ACTN1: variants seen among roughly 807,000 people sequenced by gnomAD.
ACTN1 encodes the protein alpha-actinin-1.
ACTN1 carries 30 observed loss-of-function variants against 119.6 expected under a neutral mutation model. That is an observed-to-expected ratio of 0.25 (90% CI 0.19 to 0.34). The LOEUF (loss-of-function observed/expected upper bound fraction) is 0.34, where lower values mean the gene tolerates loss of function less well. ACTN1 is among the 10% of genes least tolerant of loss of function. The pLI is 1.00. For synonymous variants in ACTN1, 429 were observed against 472.6 expected, an observed-to-expected ratio of 0.91 and a Z score of 1.20; for missense variants, 764 against 1,223.4, an observed-to-expected ratio of 0.62 and a Z score of 5.60.
Position 68,909,545 on chromosome 14 carries a change from A to G in ACTN1, c.516-149T>C. ...GTTAGAAGACAGGATGGGAAGGGACATTTCTTCCTGCCACAAATCCCAGGC... is the reference window on the plus strand; with the variant it reads ...GTTAGAAGACAGGATGGGAAGGGACGTTTCTTCCTGCCACAAATCCCAGGC... On this transcript the variant is annotated intron_variant, in intron 5 of 21. Coordinates refer to ENST00000394419, the MANE Select transcript of ACTN1 (RefSeq NM_001130004.2). The surrounding 1 kb of genome is among the most constrained non-coding windows in gnomAD (Gnocchi z 4.1). 1.4e-6 allele frequency: 1 copy of G among 719,008 alleles called. No individual in the cohort carries two copies. Among genetic ancestry groups the G allele is most frequent in the Non-Finnish European group, 2.4e-6 (1 of 425,292 alleles). 44.5% of individuals were successfully genotyped at this position (719,008 alleles called of 1,614,324 possible).
chr14:68,954,691 G>C lies in ACTN1; in HGVS notation c.105+24261C>G, dbSNP rs866881406. On this transcript the variant is annotated intron_variant, in intron 1 of 21. Transcript: ENST00000394419. ...GACAGTTTCCTTAGGACACACTCCTGGGGGGTGAAATTACAGGGCTAAAGG... is the reference window on the plus strand; with the variant it reads ...GACAGTTTCCTTAGGACACACTCCTCGGGGGTGAAATTACAGGGCTAAAGG... 2.0e-5 allele frequency among the ~76,000 whole-genome samples: 3 copies of C among 152,118 alleles called. No individual in the cohort carries two copies. The South Asian group carries it at 6.2e-4, about 31-fold the overall frequency.
intron 9 of ACTN1, 36 bp from the exon 10 acceptor site, chr14:68,892,319 AG>A: frequency 6.3e-7 from 1 of 1,579,804 alleles, no homozygotes; most frequent in Non-Finnish European, 8.6e-7. Flanking sequence ...GGAGGTGAGG[AG>A]GCGGGGAGGG....
chr14:68,905,999 A>AG (rs2033645270), intron 6 of ACTN1, among the ~76,000 whole-genome samples: 1 of 151,470 alleles, frequency 6.6e-6, no homozygotes, highest in Non-Finnish European at 1.5e-5. Flanking sequence ...AAAAAAAAAA[A>AG]CAGCAAACAC....
intron 1 of ACTN1, among the ~76,000 whole-genome samples, chr14:68,928,942 G>A (rs867906083): frequency 3.9e-5 from 6 of 152,172 alleles, no homozygotes; most frequent in African/African-American, 1.4e-4. Context: ...TGGAACTGTG[G>A]TGAGTTCCTG....
At position 68,878,734 on chromosome 14, in the gene ACTN1, A is replaced by G; in HGVS notation, c.2362-211T>C. On this transcript the variant is annotated intron_variant, in intron 19 of 21. Transcript: ENST00000394419. The surrounding 1 kb of genome is among the most constrained non-coding windows in gnomAD (Gnocchi z 4.4). The stretch of plus-strand genomic sequence containing the variant: ...GACAGGAGGAAGACAGAGCAGGGAG[A>G]TGCAAAAATCCACCCATGGGATGAA... 6.5e-7 allele frequency: 1 copy of G among 1,537,900 alleles called. No individual in the cohort carries two copies. The highest frequency in any genetic ancestry group is 8.7e-7 in the Non-Finnish European group (1 of 1,147,908).
At chr14:68,962,891 A>G (rs2036585220) in intron 1 of ACTN1, among the ~76,000 whole-genome samples, 2 of 152,104 alleles carry the variant, frequency 1.3e-5, no homozygotes, top group African/African-American at 2.4e-5. Flanking sequence ...GCAGCCACGC[A>G]CTGAGCAGGT....
chr14:68,917,841 G>A (rs1000395258), intron 3 of ACTN1, among the ~76,000 whole-genome samples: 12 of 152,110 alleles, frequency 7.9e-5, no homozygotes, highest in Non-Finnish European at 1.3e-4. Flanking sequence ...TGAGGCTGGC[G>A]GATCATTTGA....
intron 10 of ACTN1, 105 bp downstream of exon 10, chr14:68,891,948 C>T (rs2032520992): frequency 2.2e-6 from 3 of 1,381,598 alleles, no homozygotes; most frequent in Non-Finnish European, 2.9e-6. Flanking sequence ...TAGAAGCAAA[C>T]ACGCCCATCC....
chr14:68,899,436 CCAGA>C lies in ACTN1; in HGVS notation c.762+3037_762+3040del, dbSNP rs199630885. Among the ~76,000 whole-genome samples the C allele has an allele frequency of 3.3e-3, 485 of 147,558 alleles. 3 individuals are homozygous for C. Among genetic ancestry groups the C allele is most frequent in the African/African-American group, 0.011 (427 of 38,264 alleles). On this transcript the variant is annotated intron_variant, in intron 8 of 21. Coordinates refer to ENST00000394419, the MANE Select transcript of ACTN1 (RefSeq NM_001130004.2). ...TTCCACACCACATTCCCCACACCCC[CCAGA>C]CACACACCTTACACACCACACTCCA...
intron 7 of ACTN1, 96 bp from the exon 8 acceptor site, chr14:68,902,658 T>C: frequency 9.6e-7 from 1 of 1,038,818 alleles, no homozygotes; most frequent in Non-Finnish European, 1.5e-6. Context: ...CCACCAAGTC[T>C]TCTTGCCAAA....
At chr14:68,931,080 T>C (rs900208324) in intron 1 of ACTN1, among the ~76,000 whole-genome samples, 15 of 152,180 alleles carry the variant, frequency 9.9e-5, no homozygotes, top group Non-Finnish European at 5.9e-5. Context: ...CCGAATGACG[T>C]GGATTTCAGG....
At chr14:68,977,428 G>T (rs771964352) in intron 1 of ACTN1, 3 of 153,720 alleles carry the variant, frequency 2.0e-5, no homozygotes, top group Non-Finnish European at 4.3e-5. Context: ...ACATTACAAA[G>T]AAGTCAGTTC....
chr14:68,917,261 G>C (rs989182351), intron 3 of ACTN1, among the ~76,000 whole-genome samples: 6 of 152,076 alleles, frequency 3.9e-5, no homozygotes, highest in Non-Finnish European at 8.8e-5. Flanking sequence ...ACACCTTCAG[G>C]GACAGGGAAC....
At position 68,885,701 on chromosome 14, in the gene ACTN1, G is replaced by T; in HGVS notation, c.1235-126C>A. 9.3e-7 allele frequency: 1 copy of T among 1,080,364 alleles called. No homozygotes were observed. The highest frequency in any genetic ancestry group is 1.3e-6 in the Non-Finnish European group (1 of 768,876). The allele number at this position is 1,080,364 out of a possible 1,614,324, so 66.9% of individuals were successfully genotyped here. On this transcript the variant is annotated intron_variant, in intron 11 of 21. Transcript: ENST00000394419. This position sits in a 1 kb window ranked among gnomAD's most constrained non-coding sequence, Gnocchi z 5.6. ...TGCTTCTCAAGGAGGTGCCCATTGT[G>T]CAGGGATCTGCAGGGTGCAAAAGCA...
intron 1 of ACTN1, among the ~76,000 whole-genome samples, chr14:68,949,999 G>C (rs887564463): frequency 4.6e-5 from 7 of 152,182 alleles, no homozygotes; most frequent in African/African-American, 1.7e-4. Context: ...AAGATGAAAA[G>C]AGTTCAGAAG....
At chr14:68,891,791 G>A (rs766128096) in intron 10 of ACTN1, among the ~76,000 whole-genome samples, 1 of 152,236 alleles carries the variant, frequency 6.6e-6, no homozygotes, top group Non-Finnish European at 1.5e-5. Flanking sequence ...TGAGAGGGAG[G>A]TCTGGAGTAG....
chr14:68,899,382 CT>C (rs2033143316), intron 8 of ACTN1, among the ~76,000 whole-genome samples: 2 of 149,458 alleles, frequency 1.3e-5, no homozygotes, highest in Non-Finnish European at 3.0e-5. Flanking sequence ...CCCCATACAC[CT>C]CATACACACA....
chr14:68,944,489 C>T (rs1025232215), intron 1 of ACTN1, among the ~76,000 whole-genome samples: 1 of 152,200 alleles, frequency 6.6e-6, no homozygotes, highest in African/African-American at 2.4e-5. Context: ...AGGGTTACAT[C>T]GTGGGCAAAT....
At chr14:68,891,563 G>A (rs1232175486) in intron 10 of ACTN1, among the ~76,000 whole-genome samples, 1 of 151,974 alleles carries the variant, frequency 6.6e-6, no homozygotes, top group Non-Finnish European at 1.5e-5. Flanking sequence ...GTTGATACTG[G>A]GTAGTAAGAT....
Sources: allele counts gnomAD v4.1 joint callset (sites outside exome capture counted in the v4.1 genomes callset), GRCh38; gene constraint gnomAD v4.1.1; non-coding constraint Gnocchi (gnomAD v3.1); transcripts MANE v1.5; gene names NCBI Gene and HGNC (gene_info 2026-07-23, HGNC 2026-07-21).